The following DNM3 variants were observed in gnomAD, a reference collection of about 807,000 sequenced individuals.
DNM3 encodes the protein dynamin-3.
Under a neutral mutation model 101.6 loss-of-function variants are expected in DNM3, and 47 were observed. That is an observed-to-expected ratio of 0.46 (90% CI 0.37 to 0.59). The LOEUF (loss-of-function observed/expected upper bound fraction) is 0.59. DNM3 is among the 20% of genes least tolerant of loss of function. The pLI is 0.00. For missense variants in DNM3, 849 were observed against 1,085.7 expected (o/e 0.78, Z 3.06); for synonymous variants, 385 against 387.9 (o/e 0.99, Z 0.09).
intron 1 of DNM3, among the ~76,000 whole-genome samples, chr1:171,891,817 C>G (rs894409233): frequency 2.0e-5 from 3 of 152,198 alleles, no homozygotes; most frequent in African/African-American, 7.2e-5. Context: ...TGTTGTCCAT[C>G]ATCACCTGGC....
chr1:172,349,769 G>A lies in DNM3; in HGVS notation c.1893+26429G>A, dbSNP rs538775145. Among the ~76,000 whole-genome samples, 22 of 152,166 alleles carry A rather than the reference G, an allele frequency of 1.4e-4. No individual in the cohort carries two copies. The South Asian group carries it at 2.9e-3, about 20-fold the overall frequency. ...TTCTAAAGAATCCACATGTTAATTG[G>A]ATCAGTTTGCCCAAAGACTATTTTT... On this transcript the variant is annotated intron_variant, in intron 17 of 20. Coordinates refer to ENST00000627582, the MANE Select transcript of DNM3 (RefSeq NM_015569.5).
intron 4 of DNM3, among the ~76,000 whole-genome samples, chr1:172,012,067 A>C (rs144412172): frequency 6.6e-6 from 1 of 151,972 alleles, no homozygotes; most frequent in South Asian, 2.1e-4. Context: ...CCAGCTTTTC[A>C]TTATGTCAGC....
At chr1:171,974,868 G>GTT (rs61313560) in intron 2 of DNM3, among the ~76,000 whole-genome samples, 2 of 145,044 alleles carry the variant, frequency 1.4e-5, no homozygotes, top group Non-Finnish European at 3.0e-5. Context: ...TTCTTCTACT[G>GTT]TTTTTTTTTT....
intron 15 of DNM3, among the ~76,000 whole-genome samples, chr1:172,290,524 A>G (rs1429826310): frequency 6.6e-6 from 1 of 152,152 alleles, no homozygotes; most frequent in Non-Finnish European, 1.5e-5. Context: ...CAGAGGAGGA[A>G]AATGAGGGGG....
intron 14 of DNM3, among the ~76,000 whole-genome samples, chr1:172,223,247 C>T (rs1234762714): frequency 6.6e-6 from 1 of 150,752 alleles, no homozygotes; most frequent in Non-Finnish European, 1.5e-5. Context: ...TCTCCAGTCT[C>T]TGGTATCAGT....
intron 14 of DNM3, among the ~76,000 whole-genome samples, chr1:172,245,801 C>G (rs755435922): frequency 2.6e-5 from 4 of 152,122 alleles, no homozygotes; most frequent in Admixed American, 6.6e-5. Context: ...GGTGGACCGG[C>G]TAGGGAACAA....
At chr1:172,330,350 ATAAAT>A (rs1045117617) in intron 17 of DNM3, among the ~76,000 whole-genome samples, 1 of 152,124 alleles carries the variant, frequency 6.6e-6, no homozygotes, top group African/African-American at 2.4e-5. Context: ...AATTTTCATG[ATAAAT>A]TAACAAAACA....
In DNM3 at chr1:172,027,585, A is replaced by AACACACACACAC. The variant is rs61620821; in HGVS notation, c.590-4795_590-4784dup. 6.1e-4 allele frequency among the ~76,000 whole-genome samples: 86 copies of AACACACACACAC among 141,512 alleles called. 1 individual carries two copies. The highest frequency in any genetic ancestry group is 2.1e-3 in the African/African-American group (80 of 38,304). 92.8% of individuals were successfully genotyped at this position (141,512 alleles called of 152,430 possible). A position where few individuals can be genotyped will look rare whatever the true frequency, so the allele number is the denominator to read the frequency against. ...GACAGAGCAAGACTCTGTCTCAAGA[A>AACACACACACAC]ACACACACACACACACACACACACA... On this transcript the variant is annotated intron_variant, in intron 4 of 20. Coordinates refer to ENST00000627582, the MANE Select transcript of DNM3 (RefSeq NM_015569.5).
chr1:172,340,216 T>G (rs746548944), intron 17 of DNM3, among the ~76,000 whole-genome samples: 3 of 152,206 alleles, frequency 2.0e-5, no homozygotes, highest in Non-Finnish European at 4.4e-5. Context: ...CTGTGCCCCT[T>G]CCCAATCTTT....
Position 172,412,114 on chromosome 1 carries a change from A to G in DNM3, c.*4273A>G, listed in dbSNP as rs895532159. On this transcript the variant is annotated 3_prime_UTR_variant, in exon 21 of 21. Coordinates refer to ENST00000627582, the MANE Select transcript of DNM3 (RefSeq NM_015569.5). ...GTGAGAGCAAGAGAGAGGAAACTCA[A>G]AGAGGAGTGTTTGTCTTAAGACCTG... The G allele has an allele frequency of 5.1e-6, 5 of 985,604 alleles. No individual in the cohort carries two copies. The highest frequency in any genetic ancestry group is 1.2e-6 in the Non-Finnish European group (1 of 829,868). The allele number at this position is 985,604 out of a possible 1,614,324, so 61.1% of individuals were successfully genotyped here. A position where few individuals can be genotyped will look rare whatever the true frequency, so the allele number is the denominator to read the frequency against.
At chr1:172,405,707 C>T (rs1298273988) in intron 20 of DNM3, among the ~76,000 whole-genome samples, 6 of 151,986 alleles carry the variant, frequency 3.9e-5, no homozygotes. Context: ...CAGTTCTCTC[C>T]TCCCACCAGC....
At chr1:172,237,249 G>A (rs2148633829) in intron 14 of DNM3, among the ~76,000 whole-genome samples, 1 of 152,020 alleles carries the variant, frequency 6.6e-6, no homozygotes, top group Admixed American at 6.6e-5. Flanking sequence ...ATAAAGTTAG[G>A]TTTATTTTTT....
At chr1:172,131,336 T>G (rs1194406349) in intron 14 of DNM3, 48 bp downstream of exon 14, 2 of 1,518,696 alleles carry the variant, frequency 1.3e-6, no homozygotes, top group Non-Finnish European at 1.8e-6. Flanking sequence ...TATTTCTCAT[T>G]TTAAATTAAC....
intron 1 of DNM3, among the ~76,000 whole-genome samples, chr1:171,853,851 C>T (rs1250416387): frequency 6.6e-6 from 1 of 152,166 alleles, no homozygotes; most frequent in Non-Finnish European, 1.5e-5. Context: ...AACCTGCAGT[C>T]CCCTCCCTCC....
intron 13 of DNM3, among the ~76,000 whole-genome samples, chr1:172,111,665 A>G (rs1345545935): frequency 6.6e-6 from 1 of 152,244 alleles, no homozygotes; most frequent in Non-Finnish European, 1.5e-5. Flanking sequence ...AAATGGGAGC[A>G]CAGCAAACAC....
At chr1:171,863,046 T>C (rs996025791) in intron 1 of DNM3, among the ~76,000 whole-genome samples, 1 of 9,770 alleles carries the variant, frequency 1.0e-4, no homozygotes, top group Non-Finnish European at 1.7e-4. Flanking sequence ...GAGGGTGTGC[T>C]TTTTTTTTTT....
chr1:172,062,351 T>C (rs1399586142), intron 10 of DNM3, among the ~76,000 whole-genome samples: 1 of 152,180 alleles, frequency 6.6e-6, no homozygotes, highest in African/African-American at 2.4e-5. Context: ...TTCTGACTAC[T>C]CTGCGGCACC....
At position 171,973,927 on chromosome 1, in the gene DNM3, C is replaced by T. The variant is rs536680484; in HGVS notation, c.236-13729C>T. 7.9e-5 allele frequency among the ~76,000 whole-genome samples: 12 copies of T among 152,144 alleles called. 1 individual carries two copies. Among genetic ancestry groups the T allele is most frequent in the South Asian group, 6.2e-4 (3 of 4,824 alleles). ...TGATCCTCCCGCCTTGGCCTCCTAACGTGCTAAGATTATAGGCATGAGCCA... is the reference window on the plus strand; with the variant it reads ...TGATCCTCCCGCCTTGGCCTCCTAATGTGCTAAGATTATAGGCATGAGCCA... On this transcript the variant is annotated intron_variant, in intron 2 of 20. Coordinates refer to ENST00000627582, the MANE Select transcript of DNM3 (RefSeq NM_015569.5).
intron 17 of DNM3, among the ~76,000 whole-genome samples, chr1:172,341,152 T>G (rs1387607684): frequency 6.6e-6 from 1 of 151,936 alleles, no homozygotes; most frequent in African/African-American, 2.4e-5. Context: ...ACAAAAAGAA[T>G]AAAATACCTA....
Sources: allele counts gnomAD v4.1 joint callset (sites outside exome capture counted in the v4.1 genomes callset), GRCh38; gene constraint gnomAD v4.1.1; transcripts MANE v1.5; gene names NCBI Gene and HGNC (gene_info 2026-07-23, HGNC 2026-07-21).